Variants in PKP4 observed in about 807,000 individuals in gnomAD.
PKP4 encodes plakophilin-4.
PKP4 carries 90 observed loss-of-function variants against 145.1 expected under a neutral mutation model. That is an observed-to-expected ratio of 0.62 (90% CI 0.52 to 0.74). The LOEUF is 0.74. Among genes scored for constraint, PKP4 ranks in the 30% least tolerant of loss-of-function variants. The probability of loss-of-function intolerance (pLI) is 0.00; values close to 1 mark genes in which losing one functional copy is unlikely to be tolerated. For synonymous variants in PKP4, 563 were observed against 577.2 expected, an observed-to-expected ratio of 0.98 and a Z score of 0.35; for missense variants, 1,340 against 1,482.7, an observed-to-expected ratio of 0.90 and a Z score of 1.58.
chr2:158,552,227 GT>G (rs2045693268), intron 2 of PKP4, among the ~76,000 whole-genome samples: 1 of 152,190 alleles, frequency 6.6e-6, no homozygotes, highest in Admixed American at 6.5e-5. Context: ...CAAAGAAGAG[GT>G]TTTTCCCTAC....
chr2:158,670,634 C>T (rs1264142690), intron 17 of PKP4, among the ~76,000 whole-genome samples: 1 of 152,176 alleles, frequency 6.6e-6, no homozygotes, highest in African/African-American at 2.4e-5. Flanking sequence ...CTGCTCCAGG[C>T]CTGAGTGCCT....
chr2:158,611,081 A>G (rs3755416), intron 4 of PKP4, among the ~76,000 whole-genome samples: 29,545 of 152,240 alleles, frequency 0.19, 3,695 homozygotes, highest in Middle Eastern at 0.36. Flanking sequence ...TGGTTGACTC[A>G]GAAGGCACTG....
chr2:158,477,912 T>C (rs1692743358), intron 1 of PKP4, among the ~76,000 whole-genome samples: 1 of 152,218 alleles, frequency 6.6e-6, no homozygotes, highest in Admixed American at 6.5e-5. Flanking sequence ...GACCAGCTTC[T>C]GAGGTATGCC....
intron 11 of PKP4, among the ~76,000 whole-genome samples, chr2:158,645,017 C>T (rs1050804490): frequency 6.6e-6 from 1 of 152,172 alleles, no homozygotes; most frequent in Non-Finnish European, 1.5e-5. Flanking sequence ...AATGAATAAA[C>T]TATCCTGCAT....
chr2:158,570,331 T>G (rs1007389462), intron 2 of PKP4, among the ~76,000 whole-genome samples: 3 of 152,214 alleles, frequency 2.0e-5, no homozygotes, highest in Admixed American at 6.5e-5. Flanking sequence ...CCCAAAGATA[T>G]GATCATGACC....
chr2:158,469,253 C>T (rs1367474260), intron 1 of PKP4, among the ~76,000 whole-genome samples: 1 of 151,814 alleles, frequency 6.6e-6, no homozygotes, highest in Non-Finnish European at 1.5e-5. Flanking sequence ...CCATGCCCAG[C>T]TAATTTTTGT....
chr2:158,653,209 A>G lies in PKP4; in HGVS notation c.1910-4922A>G, dbSNP rs555146430. Reference sequence around the variant, plus strand: ...AACAGTTGTATAGGCTGCCATGCATATCTGCCACCAGAGAAATCGCATTTT... The same window carrying G: ...AACAGTTGTATAGGCTGCCATGCATGTCTGCCACCAGAGAAATCGCATTTT... On this transcript the variant is annotated intron_variant, in intron 11 of 21. Transcript: ENST00000389759. Among the ~76,000 whole-genome samples the G allele has an allele frequency of 4.6e-4, 69 of 151,578 alleles. 1 individual carries two copies. The South Asian group carries it at 0.014, about 31-fold the overall frequency.
chr2:158,572,973 G>A (rs1045097033), intron 2 of PKP4, among the ~76,000 whole-genome samples: 2 of 152,178 alleles, frequency 1.3e-5, no homozygotes, highest in East Asian at 1.9e-4. Context: ...CTGAAGATGT[G>A]TGTACCTTTC....
chr2:158,665,151 C>T (rs2056963958), intron 15 of PKP4, among the ~76,000 whole-genome samples: 1 of 152,126 alleles, frequency 6.6e-6, no homozygotes, highest in South Asian at 2.1e-4. Flanking sequence ...GAAGCTATTT[C>T]AGGAGCAGTG....
intron 2 of PKP4, among the ~76,000 whole-genome samples, chr2:158,556,380 C>G (rs1264130191): frequency 1.3e-5 from 2 of 152,192 alleles, no homozygotes; most frequent in Non-Finnish European, 2.9e-5. Flanking sequence ...AAGCCTGTTG[C>G]TATGGTGCAG....
intron 1 of PKP4, chr2:158,457,730 C>G (rs545138972): frequency 6.5e-6 from 1 of 154,190 alleles, no homozygotes; most frequent in East Asian, 1.9e-4. Flanking sequence ...CCCGTCTTCC[C>G]ACGCCCCTGC....
At chr2:158,676,069 G>A (rs1386868317) in intron 19 of PKP4, among the ~76,000 whole-genome samples, 1 of 152,180 alleles carries the variant, frequency 6.6e-6, no homozygotes, top group Admixed American at 6.5e-5. Flanking sequence ...TGAAGCTGGG[G>A]TAAAACAGTC....
intron 2 of PKP4, among the ~76,000 whole-genome samples, chr2:158,573,363 T>C (rs1311284283): frequency 6.6e-6 from 1 of 152,220 alleles, no homozygotes; most frequent in African/African-American, 2.4e-5. Flanking sequence ...AATACTCATG[T>C]GAATATTAAG....
intron 3 of PKP4, among the ~76,000 whole-genome samples, chr2:158,591,415 C>T (rs146416338): frequency 6.6e-6 from 1 of 151,954 alleles, no homozygotes; most frequent in East Asian, 1.9e-4. Flanking sequence ...CTTGAGTTTG[C>T]TTCAAAATAA....
intron 1 of PKP4, among the ~76,000 whole-genome samples, chr2:158,461,188 T>A (rs4664960): frequency 1.3e-5 from 2 of 152,020 alleles, no homozygotes; most frequent in Non-Finnish European, 2.9e-5. Flanking sequence ...CTTGTCACTT[T>A]AATAATTCAG....
chr2:158,578,959 A>G lies in PKP4; in HGVS notation c.245+1576A>G, dbSNP rs145346482. Among the ~76,000 whole-genome samples, 5 of 152,304 alleles carry G rather than the reference A, an allele frequency of 3.3e-5. No homozygotes were observed. In the East Asian group the frequency reaches 7.7e-4, roughly 24 times the overall value. ...ACCTCAAAGTAAGCACTAGAGGTGGATTTTATACCCATAGAGGAGCTAAAG... is the reference window on the plus strand; with the variant it reads ...ACCTCAAAGTAAGCACTAGAGGTGGGTTTTATACCCATAGAGGAGCTAAAG... On this transcript the variant is annotated intron_variant, in intron 3 of 21. Coordinates refer to ENST00000389759, the MANE Select transcript of PKP4 (RefSeq NM_003628.6).
At chr2:158,643,523 C>A (rs1474173191) in intron 11 of PKP4, among the ~76,000 whole-genome samples, 1 of 151,836 alleles carries the variant, frequency 6.6e-6, no homozygotes, top group Non-Finnish European at 1.5e-5. Flanking sequence ...CCAACCTGGG[C>A]AACACAGGGA....
At chr2:158,648,185 G>A (rs1232310151) in intron 11 of PKP4, among the ~76,000 whole-genome samples, 1 of 152,118 alleles carries the variant, frequency 6.6e-6, no homozygotes, top group Non-Finnish European at 1.5e-5. Flanking sequence ...TTCCAATTTA[G>A]TAAGTGATTA....
intron 4 of PKP4, among the ~76,000 whole-genome samples, chr2:158,616,821 C>T (rs2051671238): frequency 6.6e-6 from 1 of 152,108 alleles, no homozygotes; most frequent in Non-Finnish European, 1.5e-5. Flanking sequence ...CACTACAGAC[C>T]CTGTTTCGTA....
Sources: allele counts gnomAD v4.1 joint callset (sites outside exome capture counted in the v4.1 genomes callset), GRCh38; gene constraint gnomAD v4.1.1; transcripts MANE v1.5; gene names NCBI Gene and HGNC (gene_info 2026-07-23, HGNC 2026-07-21).